The following KLF6 variants were observed in gnomAD, a reference collection of about 807,000 sequenced individuals.
KLF6 encodes the protein Krueppel-like factor 6.
For missense variants in KLF6, 233 were observed against 359.8 expected, an observed-to-expected ratio of 0.65 and a Z score of 2.85; for synonymous variants, 152 against 147.9, an observed-to-expected ratio of 1.03 and a Z score of -0.20.
At position 3,782,317 on chromosome 10, in the gene KLF6, T is replaced by C. The variant is rs1832548208; in HGVS notation, c.103-103A>G. On this transcript the variant is annotated intron_variant, in intron 1 of 3. Coordinates refer to ENST00000497571, the MANE Select transcript of KLF6 (RefSeq NM_001300.6). The surrounding 1 kb of genome is among the most constrained non-coding windows in gnomAD (Gnocchi z 4.3). Reference sequence around the variant, plus strand: ...TGCAAGAATGAAGGACAGATAACATTGCTGCCCGGTCACTACAGGGGCAAA... The same window carrying C: ...TGCAAGAATGAAGGACAGATAACATCGCTGCCCGGTCACTACAGGGGCAAA... 1 of 931,988 alleles carries C rather than the reference T, an allele frequency of 1.1e-6. No homozygotes were observed. The highest frequency in any genetic ancestry group is 1.6e-5 in the African/African-American group (1 of 61,994). The allele number at this position is 931,988 out of a possible 1,614,324, so 57.7% of individuals were successfully genotyped here.
In KLF6 at chr10:3,777,571, A is replaced by G. The variant is rs1396586322; in HGVS notation, c.*1968T>C. 2 of 511,384 alleles carry G rather than the reference A, an allele frequency of 3.9e-6. No individual in the cohort carries two copies. The highest frequency in any genetic ancestry group is 7.6e-6 in the Non-Finnish European group (2 of 261,874). 31.7% of individuals were successfully genotyped at this position (511,384 alleles called of 1,614,324 possible). On this transcript the variant is annotated 3_prime_UTR_variant, in exon 4 of 4. Coordinates refer to ENST00000497571, the MANE Select transcript of KLF6 (RefSeq NM_001300.6). ...GGACAGAGCAGACAGCCCGGAACAG[A>G]TTCAAGCAAGAAAGTCCTCCGCACA...
rs768023547 is a variant in KLF6 at position 3,776,116 on chromosome 10, C to A, written c.*3423G>T. On this transcript the variant is annotated 3_prime_UTR_variant, in exon 4 of 4. Coordinates refer to ENST00000497571, the MANE Select transcript of KLF6 (RefSeq NM_001300.6). ...TCCACCCCTCCCAGACATGCCTCAG[C>A]CAGGTGTGTGGCAGGGCTGGCTGGG... 4.7e-5 allele frequency: 25 copies of A among 529,990 alleles called. No homozygotes were observed. Among genetic ancestry groups the A allele is most frequent in the Non-Finnish European group, 7.3e-5 (20 of 273,562 alleles). The allele number at this position is 529,990 out of a possible 1,614,324, so 32.8% of individuals were successfully genotyped here.
chr10:3,779,715 C>T (rs1588342114), intron 3 of KLF6, 125 bp from the exon 4 acceptor site: 1 of 834,928 alleles, frequency 1.2e-6, no homozygotes, highest in East Asian at 2.6e-5. Context: ...TGGGATTCTC[C>T]TCCCAAGCCT....
rs1170665518 is a variant in KLF6 at position 3,778,938 on chromosome 10, G to C, written c.*601C>G. ...TAAGAGTTCCTCTCACACAGAAAAG[G>C]GGGAGAGAGGCTCTCCCTCCCCACA... On this transcript the variant is annotated 3_prime_UTR_variant, in exon 4 of 4. Transcript: ENST00000497571. The C allele has an allele frequency of 5.6e-6, 3 of 534,696 alleles. No homozygotes were observed. Among genetic ancestry groups the C allele is most frequent in the Non-Finnish European group, 1.1e-5 (3 of 276,710 alleles). 33.1% of individuals were successfully genotyped at this position (534,696 alleles called of 1,614,324 possible).
chr10:3,779,503 A>G lies in KLF6; in HGVS notation c.*36T>C, dbSNP rs1183908286. The G allele has an allele frequency of 6.3e-7, 1 of 1,576,508 alleles. No homozygotes were observed. Among genetic ancestry groups the G allele is most frequent in the East Asian group, 2.2e-5 (1 of 44,708 alleles). On this transcript the variant is annotated 3_prime_UTR_variant, in exon 4 of 4. Transcript: ENST00000497571. ...TTCCACGGCCGGCTCTCAGCCTGGA[A>G]GCCTTTTAGCCTACAGGATCCACCT...
intron 3 of KLF6, 84 bp from the exon 4 acceptor site, chr10:3,779,674 C>T: frequency 4.1e-6 from 5 of 1,224,004 alleles, no homozygotes; most frequent in Non-Finnish European, 4.8e-6. Flanking sequence ...ACCTCCCTGC[C>T]CTGCCCAGCC....
Position 3,779,041 on chromosome 10 carries a change from G to T in KLF6, c.*498C>A, listed in dbSNP as rs1352001947. ...CTTCTTTTTTTGTTTTTGTTTTTTT[G>T]TTTTTTTGATTTTTCTTTTTTTTTC... On this transcript the variant is annotated 3_prime_UTR_variant, in exon 4 of 4. Transcript: ENST00000497571. The T allele has an allele frequency of 1.9e-6, 1 of 525,408 alleles. No homozygotes were observed. The highest frequency in any genetic ancestry group is 3.6e-6 in the Non-Finnish European group (1 of 274,100). The allele number at this position is 525,408 out of a possible 1,614,324, so 32.5% of individuals were successfully genotyped here.
chr10:3,776,932 C>CTTTTTTTTTTT lies in KLF6; in HGVS notation c.*2596_*2606dup. The CTTTTTTTTTTT allele has an allele frequency of 4.8e-6, 2 of 417,610 alleles. No individual in the cohort carries two copies. Among genetic ancestry groups the CTTTTTTTTTTT allele is most frequent in the Admixed American group, 2.9e-5 (1 of 34,022 alleles). The allele number at this position is 417,610 out of a possible 1,614,324, so 25.9% of individuals were successfully genotyped here. ...AAGCCAGTGCAAGTTTTTTTTTTTC[C>CTTTTTTTTTTT]TTTTTTTTTTTTTGTCTTTTGCTTA... is the stretch of plus-strand genomic sequence containing the variant. On this transcript the variant is annotated 3_prime_UTR_variant, in exon 4 of 4. Transcript: ENST00000497571.
intron 1 of KLF6, chr10:3,783,274 T>C (rs1832571185): frequency 6.6e-6 from 1 of 152,158 alleles, no homozygotes; most frequent in Admixed American, 6.5e-5. Context: ...TTTCAAACTT[T>C]CTAGCCACTG....
Position 3,777,210 on chromosome 10 carries a change from A to G in KLF6, c.*2329T>C. The G allele has an allele frequency of 1.9e-6, 1 of 517,402 alleles. No homozygotes were observed. The highest frequency in any genetic ancestry group is 3.8e-6 in the Non-Finnish European group (1 of 265,638). 32.1% of individuals were successfully genotyped at this position (517,402 alleles called of 1,614,324 possible). ...ACAAAATACCAGCCCAGCCAGACTC[A>G]CATGTGTGTATATATATATAAAGCA... On this transcript the variant is annotated 3_prime_UTR_variant, in exon 4 of 4. Transcript: ENST00000497571.
In KLF6 at chr10:3,776,729, TAATAG is replaced by T. The variant is rs1832386970; in HGVS notation, c.*2805_*2809del. The T allele has an allele frequency of 2.1e-6, 1 of 475,558 alleles. No homozygotes were observed. Among genetic ancestry groups the T allele is most frequent in the South Asian group, 1.7e-5 (1 of 57,430 alleles). The allele number at this position is 475,558 out of a possible 1,614,324, so 29.5% of individuals were successfully genotyped here. On this transcript the variant is annotated 3_prime_UTR_variant, in exon 4 of 4. Transcript: ENST00000497571. ...AAAAAAAAAAAAAAAGAAATTTCAC[TAATAG>T]AAATTTTTTTTTAATTTCAAGCAAA...
chr10:3,777,564 G>A lies in KLF6; in HGVS notation c.*1975C>T, dbSNP rs1309891379. Reference sequence around the variant, plus strand: ...ATTTGATGGACAGAGCAGACAGCCCGGAACAGATTCAAGCAAGAAAGTCCT... The same window carrying A: ...ATTTGATGGACAGAGCAGACAGCCCAGAACAGATTCAAGCAAGAAAGTCCT... On this transcript the variant is annotated 3_prime_UTR_variant, in exon 4 of 4. Transcript: ENST00000497571. 12 of 510,300 alleles carry A rather than the reference G, an allele frequency of 2.4e-5. No individual in the cohort carries two copies. In the East Asian group the frequency reaches 2.6e-4, roughly 11 times the overall value. The allele number at this position is 510,300 out of a possible 1,614,324, so 31.6% of individuals were successfully genotyped here.
rs1277710846 is a variant in KLF6 at position 3,779,171 on chromosome 10, T to G, written c.*368A>C. The G allele has an allele frequency of 1.8e-6, 1 of 549,428 alleles. No individual in the cohort carries two copies. Among genetic ancestry groups the G allele is most frequent in the Non-Finnish European group, 3.5e-6 (1 of 286,712 alleles). 34.0% of individuals were successfully genotyped at this position (549,428 alleles called of 1,614,324 possible). ...ATTCAAACTACTTTTTTTCCATCTCTTGCAGTCTTGCTAACCACAAGGAAA... is the reference window on the plus strand; with the variant it reads ...ATTCAAACTACTTTTTTTCCATCTCGTGCAGTCTTGCTAACCACAAGGAAA... On this transcript the variant is annotated 3_prime_UTR_variant, in exon 4 of 4. Transcript: ENST00000497571.
intron 1 of KLF6, among the ~76,000 whole-genome samples, chr10:3,783,911 T>C (rs1348302464): frequency 1.3e-5 from 2 of 151,816 alleles, no homozygotes; most frequent in South Asian, 2.1e-4. Context: ...GCAGCTTCTT[T>C]GAGGAGGAAA....
rs549881346 is a variant in KLF6 at position 3,782,754 on chromosome 10, G to C, written c.103-540C>G. Among the ~76,000 whole-genome samples, 84 of 152,304 alleles carry C rather than the reference G, an allele frequency of 5.5e-4. No individual in the cohort carries two copies. The highest frequency in any genetic ancestry group is 1.6e-3 in the African/African-American group (68 of 41,552). The stretch of plus-strand genomic sequence containing the variant: ...CGGCTGACAACACAGGGCCACACTC[G>C]GGGGAGAGGAGACAGCAGCTGTCTG... On this transcript the variant is annotated intron_variant, in intron 1 of 3. Coordinates refer to ENST00000497571, the MANE Select transcript of KLF6 (RefSeq NM_001300.6). The surrounding 1 kb of genome is among the most constrained non-coding windows in gnomAD (Gnocchi z 4.3).
Position 3,781,785 on chromosome 10 carries a change from C to G in KLF6, c.532G>C (p.Gly178Arg). 1 of 1,614,236 alleles carries G rather than the reference C, an allele frequency of 6.2e-7. No individual in the cohort carries two copies. The highest frequency in any genetic ancestry group is 1.1e-5 in the South Asian group (1 of 91,090). Residue 178 changes from glycine to arginine, a missense_variant, in exon 2 of 4, where the codon GGG becomes CGG. Transcript: ENST00000497571. This position sits in a 1 kb window ranked among gnomAD's most constrained non-coding sequence, Gnocchi z 5.8. ...TTGTCACCTGGCTTCCCCGAAGTCC[C>G]GCTGCGCACCTTCCCTGGCGAGGGC... ...ELPSPGKVRS[G>R]TSGKPGDKGN...
chr10:3,781,930 G>A lies in KLF6; in HGVS notation c.387C>T (p.Pro129=), dbSNP rs773869305. 23 of 1,614,244 alleles carry A rather than the reference G, an allele frequency of 1.4e-5. 1 individual carries two copies. The South Asian group carries it at 2.4e-4, about 17-fold the overall frequency. Residue 129 remains proline, a synonymous_variant, in exon 2 of 4, where the codon CCC becomes CCT. Coordinates refer to ENST00000497571, the MANE Select transcript of KLF6 (RefSeq NM_001300.6). The surrounding 1 kb of genome is among the most constrained non-coding windows in gnomAD (Gnocchi z 5.8). ...CCGAGCTGACCAAAACTTCGCCAAT[G>A]GGGTCGGAGGTAAACTTGGCCGTGG... ...LSPTAKFTSD[P]IGEVLVSSGK... is the part of the protein sequence containing the mutation.
rs1187691994 is a variant in KLF6 at position 3,785,113 on chromosome 10, A to G, written c.-99T>C. On this transcript the variant is annotated 5_prime_UTR_variant, in exon 1 of 4. It removes an upstream start codon present in the reference 5' UTR. Transcript: ENST00000497571. ...TCCCCGGAGCGCAGGTGAAAGTTTCATGCAAACTCCAGGCTCGCAGAGACG... is the reference window on the plus strand; with the variant it reads ...TCCCCGGAGCGCAGGTGAAAGTTTCGTGCAAACTCCAGGCTCGCAGAGACG... 3.2e-6 allele frequency: 5 copies of G among 1,572,956 alleles called. No individual in the cohort carries two copies. The highest frequency in any genetic ancestry group is 1.4e-5 in the African/African-American group (1 of 74,030).
At position 3,777,195 on chromosome 10, in the gene KLF6, A is replaced by G. The variant is rs1832406815; in HGVS notation, c.*2344T>C. On this transcript the variant is annotated 3_prime_UTR_variant, in exon 4 of 4. Coordinates refer to ENST00000497571, the MANE Select transcript of KLF6 (RefSeq NM_001300.6). The stretch of plus-strand genomic sequence containing the variant: ...TTCCAGGAAGATCAAACAAAATACC[A>G]GCCCAGCCAGACTCACATGTGTGTA... 1 of 516,110 alleles carries G rather than the reference A, an allele frequency of 1.9e-6. No individual in the cohort carries two copies. Among genetic ancestry groups the G allele is most frequent in the African/African-American group, 1.9e-5 (1 of 52,790 alleles). The allele number at this position is 516,110 out of a possible 1,614,324, so 32.0% of individuals were successfully genotyped here.
Sources: allele counts gnomAD v4.1 joint callset (sites outside exome capture counted in the v4.1 genomes callset), GRCh38; gene constraint gnomAD v4.1.1; non-coding constraint Gnocchi (gnomAD v3.1); transcripts MANE v1.5; gene names NCBI Gene and HGNC (gene_info 2026-07-23, HGNC 2026-07-21).